The following CCDC192 variants were observed in gnomAD, a reference collection of about 807,000 sequenced individuals.
CCDC192 encodes coiled-coil domain-containing protein 192.
At chr5:127,834,032 C>CA (rs1387365609) in intron 5 of CCDC192, among the ~76,000 whole-genome samples, 1 of 152,050 alleles carries the variant, frequency 6.6e-6, no homozygotes, top group Non-Finnish European at 1.5e-5. Flanking sequence ...AATTGAGCTA[C>CA]AAAAAAGCCT....
chr5:127,896,900 GT>G (rs770107530), intron 6 of CCDC192, among the ~76,000 whole-genome samples: 22 of 152,160 alleles, frequency 1.4e-4, no homozygotes, highest in Non-Finnish European at 2.9e-4. Flanking sequence ...CTAGTATAGA[GT>G]ATCTCCTACA....
chr5:127,717,373 C>T (rs1381391460), intron 2 of CCDC192, among the ~76,000 whole-genome samples: 1 of 152,168 alleles, frequency 6.6e-6, no homozygotes, highest in Admixed American at 6.5e-5. Context: ...GTTCCCTGCT[C>T]CTATGAACTA....
chr5:127,870,314 A>C (rs1353342047), intron 5 of CCDC192, among the ~76,000 whole-genome samples: 4 of 152,242 alleles, frequency 2.6e-5, no homozygotes, highest in African/African-American at 9.6e-5. Context: ...AATAAATGCC[A>C]TCACACTTCA....
intron 5 of CCDC192, among the ~76,000 whole-genome samples, chr5:127,814,395 C>G (rs957639752): frequency 2.0e-5 from 3 of 152,176 alleles, no homozygotes; most frequent in African/African-American, 7.2e-5. Context: ...AAACACACTT[C>G]CCCAGAGTGT....
chr5:127,793,484 A>T (rs1338421347), intron 3 of CCDC192, among the ~76,000 whole-genome samples: 3 of 152,224 alleles, frequency 2.0e-5, no homozygotes, highest in Non-Finnish European at 4.4e-5. Context: ...CACAGGCCTC[A>T]TTGTGACAGG....
intron 2 of CCDC192, among the ~76,000 whole-genome samples, chr5:127,751,350 A>G (rs1754155653): frequency 1.3e-5 from 2 of 151,832 alleles, no homozygotes; most frequent in African/African-American, 2.4e-5. Flanking sequence ...TCTGTAAAGT[A>G]TTTTATTTCT....
At chr5:127,725,222 AT>A (rs907985785) in intron 2 of CCDC192, among the ~76,000 whole-genome samples, 17 of 152,116 alleles carry the variant, frequency 1.1e-4, no homozygotes, top group African/African-American at 4.1e-4. Context: ...TATTTTCTTT[AT>A]TTTCCATAGA....
At chr5:127,933,262 C>T (rs532291101) in intron 6 of CCDC192, among the ~76,000 whole-genome samples, 2 of 152,244 alleles carry the variant, frequency 1.3e-5, no homozygotes, top group African/African-American at 2.4e-5. Flanking sequence ...GGATTGTAGG[C>T]GAGAGTGTCA....
At chr5:127,862,477 T>C (rs570268008) in intron 5 of CCDC192, among the ~76,000 whole-genome samples, 2 of 152,336 alleles carry the variant, frequency 1.3e-5, no homozygotes, top group South Asian at 4.1e-4. Context: ...TTTATAGTTG[T>C]ATATATCAGA....
chr5:127,919,799 A>ATC lies in CCDC192; in HGVS notation c.536-21375_536-21374dup, dbSNP rs558091200. ...TCTATCTCACAAGATATCACTCTCC[A>ATC]TCTCTCTCTGTGTCCCTCTGTCCCT... On this transcript the variant is annotated intron_variant, in intron 6 of 6. Coordinates refer to ENST00000514853, the MANE Select transcript of CCDC192 (RefSeq NM_001317938.2). 1.6e-4 allele frequency among the ~76,000 whole-genome samples: 24 copies of ATC among 151,688 alleles called. No individual in the cohort carries two copies. In the East Asian group the frequency reaches 2.1e-3, roughly 13 times the overall value.
At chr5:127,837,996 A>G (rs777499121) in intron 5 of CCDC192, among the ~76,000 whole-genome samples, 2 of 152,188 alleles carry the variant, frequency 1.3e-5, no homozygotes, top group Non-Finnish European at 2.9e-5. Context: ...CTCCATCTCA[A>G]AAAAAGAAAA....
chr5:127,711,392 A>G (rs1330690799), intron 2 of CCDC192, among the ~76,000 whole-genome samples: 1 of 152,208 alleles, frequency 6.6e-6, no homozygotes, highest in Admixed American at 6.5e-5. Context: ...TTGTAAGATC[A>G]AATAATAGCC....
chr5:127,753,714 A>G (rs1032985599), intron 2 of CCDC192, among the ~76,000 whole-genome samples: 2 of 152,082 alleles, frequency 1.3e-5, no homozygotes, highest in Non-Finnish European at 2.9e-5. Context: ...AAAGAGAAAA[A>G]ACTTGACAGG....
chr5:127,897,062 T>TC (rs1491442761), intron 6 of CCDC192, among the ~76,000 whole-genome samples: 9 of 75,424 alleles, frequency 1.2e-4, no homozygotes, highest in African/African-American at 2.5e-4. Flanking sequence ...TCTCTCTCTC[T>TC]TTTTTTTTTT....
intron 5 of CCDC192, among the ~76,000 whole-genome samples, chr5:127,840,330 G>A (rs1057382045): frequency 6.6e-6 from 1 of 152,156 alleles, no homozygotes; most frequent in Non-Finnish European, 1.5e-5. Flanking sequence ...TTTTATAATC[G>A]TCAAATTATC....
chr5:127,721,002 T>G (rs1463659003), intron 2 of CCDC192, among the ~76,000 whole-genome samples: 1 of 152,238 alleles, frequency 6.6e-6, no homozygotes, highest in Non-Finnish European at 1.5e-5. Flanking sequence ...GGGACTGACA[T>G]GAAGTTCTCT....
At chr5:127,831,716 A>G in intron 5 of CCDC192, among the ~76,000 whole-genome samples, 1 of 149,074 alleles carries the variant, frequency 6.7e-6, no homozygotes, top group East Asian at 2.0e-4. Flanking sequence ...TAATATAAAC[A>G]TAATTAAAAA....
chr5:127,830,791 T>A (rs149230289), intron 5 of CCDC192, among the ~76,000 whole-genome samples: 2 of 151,754 alleles, frequency 1.3e-5, no homozygotes, highest in East Asian at 3.9e-4. Flanking sequence ...AAAGTTTCCT[T>A]CTACCCCTGT....
At chr5:127,864,629 G>T (rs1751521320) in intron 5 of CCDC192, among the ~76,000 whole-genome samples, 1 of 152,190 alleles carries the variant, frequency 6.6e-6, no homozygotes, top group Non-Finnish European at 1.5e-5. Flanking sequence ...ATTTGTTTAG[G>T]CTTGTTAAAA....
Sources: gnomAD v4.1 joint callset for allele counts (sites outside exome capture counted in the v4.1 genomes callset) on GRCh38, gnomAD v4.1.1 for gene constraint, MANE v1.5 for transcripts, NCBI Gene and HGNC (gene_info 2026-07-23, HGNC 2026-07-21) for gene names.